GALNT2: variants seen among roughly 807,000 people sequenced by gnomAD.
GALNT2 encodes the protein UDP-GalNAc:polypeptide N-acetylgalactosaminyltransferase 2.
In GALNT2, 31 loss-of-function variants were observed where a neutral mutation model predicts 81.4. The ratio of observed to expected loss-of-function variants is 0.38; its 90% CI spans 0.29 to 0.51. The LOEUF (loss-of-function observed/expected upper bound fraction) is 0.51, where lower values mean the gene tolerates loss of function less well. Among genes scored for constraint, GALNT2 ranks in the 20% least tolerant of loss-of-function variants. The pLI is 0.87. For synonymous variants in GALNT2, 303 were observed against 287.4 expected (o/e 1.05, Z -0.55); for missense variants, 629 against 765.7 (o/e 0.82, Z 2.11).
chr1:230,127,465 T>C (rs926223074), intron 1 of GALNT2, among the ~76,000 whole-genome samples: 1 of 152,146 alleles, frequency 6.6e-6, no homozygotes, highest in Non-Finnish European at 1.5e-5. Flanking sequence ...AACCTCCGCC[T>C]CCTGGGTTCA....
At chr1:230,154,830 A>G (rs1222911719) in intron 1 of GALNT2, among the ~76,000 whole-genome samples, 2 of 152,134 alleles carry the variant, frequency 1.3e-5, no homozygotes, top group Middle Eastern at 3.2e-3. Context: ...GAAGCCTCCC[A>G]GTTTGTAGTA....
In GALNT2 at chr1:230,243,936, G is replaced by A. The variant is rs1665285921; in HGVS notation, c.729+509G>A. On this transcript the variant is annotated intron_variant, in intron 7 of 15. Coordinates refer to ENST00000366672, the MANE Select transcript of GALNT2 (RefSeq NM_004481.5). The surrounding 1 kb of genome is among the most constrained non-coding windows in gnomAD (Gnocchi z 4.2). ...GGGTTGTGGCTAGGAAGCATACAGG[G>A]ACCGGTGGGGTTGTCAGAGGGTGAT... 1.3e-5 allele frequency among the ~76,000 whole-genome samples: 2 copies of A among 152,066 alleles called. No individual in the cohort carries two copies. The highest frequency in any genetic ancestry group is 1.3e-4 in the Admixed American group (2 of 15,258).
intron 1 of GALNT2, among the ~76,000 whole-genome samples, chr1:230,086,124 T>G (rs1659891633): frequency 1.3e-5 from 2 of 152,168 alleles, no homozygotes; most frequent in Non-Finnish European, 2.9e-5. Flanking sequence ...TTAATCCAGG[T>G]CTTGGTATTC....
chr1:230,164,487 C>T (rs143329971), intron 1 of GALNT2, among the ~76,000 whole-genome samples: 290 of 151,270 alleles, frequency 1.9e-3, no homozygotes, highest in Admixed American at 4.5e-3. Flanking sequence ...GGACTGCATC[C>T]GATCATGTGA....
At chr1:230,225,416 C>G (rs1664676272) in intron 3 of GALNT2, among the ~76,000 whole-genome samples, 1 of 152,174 alleles carries the variant, frequency 6.6e-6, no homozygotes, top group Non-Finnish European at 1.5e-5. Context: ...TGGGGTTGGA[C>G]TGAGGAGGGC....
intron 1 of GALNT2, among the ~76,000 whole-genome samples, chr1:230,134,596 A>G (rs1312715008): frequency 2.0e-5 from 3 of 152,080 alleles, no homozygotes; most frequent in Non-Finnish European, 2.9e-5. Context: ...AGGGTATCCA[A>G]CCCAGACCTG....
At chr1:230,137,821 T>C (rs1661598662) in intron 1 of GALNT2, among the ~76,000 whole-genome samples, 2 of 152,266 alleles carry the variant, frequency 1.3e-5, no homozygotes, top group Non-Finnish European at 2.9e-5. Context: ...TGACTTTTAT[T>C]ATCTTTCACT....
At chr1:230,222,661 T>C (rs34747159) in intron 3 of GALNT2, among the ~76,000 whole-genome samples, 6,728 of 152,278 alleles carry the variant, frequency 0.044, 194 homozygotes, top group Non-Finnish European at 0.064. Flanking sequence ...AGTCAGACAT[T>C]ACAACTTTAT....
intron 2 of GALNT2, among the ~76,000 whole-genome samples, chr1:230,190,573 C>G (rs935512483): frequency 6.6e-6 from 1 of 152,222 alleles, no homozygotes; most frequent in Non-Finnish European, 1.5e-5. Flanking sequence ...TGAGACGTCT[C>G]TCCACACACG....
chr1:230,197,632 C>T (rs879262538), intron 2 of GALNT2, among the ~76,000 whole-genome samples: 10 of 152,162 alleles, frequency 6.6e-5, no homozygotes, highest in Admixed American at 6.5e-4. Context: ...TTGCTGTGAT[C>T]ATCTCATTTA....
At position 230,067,357 on chromosome 1, in the gene GALNT2, G is replaced by A; in HGVS notation, c.77G>A (p.Gly26Glu). 7.3e-7 allele frequency: 1 copy of A among 1,369,308 alleles called. No individual in the cohort carries two copies. The highest frequency in any genetic ancestry group is 9.5e-7 in the Non-Finnish European group (1 of 1,048,962). The allele number at this position is 1,369,308 out of a possible 1,614,324, so 84.8% of individuals were successfully genotyped here. ...GGCATCGCCTACTACATGTACTCGG[G>A]GGGCGGCTCTGCGCTGGCCGGGGGC... is the stretch of plus-strand genomic sequence containing the variant. ...VLGIAYYMYS[G>E]GGSALAGGAG... is the part of the protein sequence containing the mutation. Residue 26 changes from glycine (G) to glutamate (E), a missense_variant, in exon 1 of 16, where the codon GGG (glycine) becomes GAG (glutamate). Coordinates refer to ENST00000366672, the MANE Select transcript of GALNT2 (RefSeq NM_004481.5).
intron 11 of GALNT2, chr1:230,259,086 A>T (rs77793224): frequency 0.044 from 6,748 of 152,320 alleles, 197 homozygotes; most frequent in Non-Finnish European, 0.065. Flanking sequence ...CAGTTGACTC[A>T]TCTGAAAGAT....
At chr1:230,143,263 G>C (rs11122394) in intron 1 of GALNT2, among the ~76,000 whole-genome samples, 26,702 of 152,188 alleles carry the variant, frequency 0.18, 2,604 homozygotes, top group African/African-American at 0.26. Context: ...TTCAGTTTCT[G>C]CGTGTGAAAA....
chr1:230,111,732 G>A (rs1241995985), intron 1 of GALNT2, among the ~76,000 whole-genome samples: 1 of 152,086 alleles, frequency 6.6e-6, no homozygotes, highest in Admixed American at 6.6e-5. Flanking sequence ...ATGAACACTG[G>A]TTCACTCGGG....
At chr1:230,211,268 A>G (rs1664225966) in intron 3 of GALNT2, among the ~76,000 whole-genome samples, 1 of 152,102 alleles carries the variant, frequency 6.6e-6, no homozygotes, top group Non-Finnish European at 1.5e-5. Context: ...ATGCCGCACC[A>G]CAGGGTCCTG....
At chr1:230,197,403 G>A (rs1395492153) in intron 2 of GALNT2, among the ~76,000 whole-genome samples, 1 of 152,152 alleles carries the variant, frequency 6.6e-6, no homozygotes, top group African/African-American at 2.4e-5. Flanking sequence ...AGAAAGCAGG[G>A]ATTCCCTCTA....
chr1:230,069,261 GTTTTT>G lies in GALNT2; in HGVS notation c.126+1860_126+1864del, dbSNP rs955836661. Among the ~76,000 whole-genome samples the G allele has an allele frequency of 2.6e-3, 374 of 144,256 alleles. 1 individual carries two copies. Among genetic ancestry groups the G allele is most frequent in the African/African-American group, 8.8e-3 (309 of 34,920 alleles). 94.6% of individuals were successfully genotyped at this position (144,256 alleles called of 152,430 possible). On this transcript the variant is annotated intron_variant, in intron 1 of 15. Transcript: ENST00000366672. The stretch of plus-strand genomic sequence containing the variant: ...TCCTGAAGTGTGTGATTCTTAGTTT[GTTTTT>G]TTTTGTTTTGTTTTGTTTTGTTTTG...
At chr1:230,178,826 C>T (rs960819864) in intron 2 of GALNT2, among the ~76,000 whole-genome samples, 2 of 152,108 alleles carry the variant, frequency 1.3e-5, no homozygotes, top group Non-Finnish European at 2.9e-5. Flanking sequence ...GTTACACATT[C>T]TGTGGGTTTG....
intron 8 of GALNT2, among the ~76,000 whole-genome samples, chr1:230,248,860 G>A (rs894647828): frequency 6.6e-6 from 1 of 152,036 alleles, no homozygotes; most frequent in African/African-American, 2.4e-5. Context: ...ACATGCCCTG[G>A]TTATCACCAC....
Sources: gnomAD v4.1 joint callset for allele counts (sites outside exome capture counted in the v4.1 genomes callset) on GRCh38, gnomAD v4.1.1 for gene constraint, Gnocchi (gnomAD v3.1) non-coding constraint, MANE v1.5 for transcripts, NCBI Gene and HGNC (gene_info 2026-07-23, HGNC 2026-07-21) for gene names.